Variants in C8orf34 observed in about 807,000 individuals in gnomAD.
C8orf34 encodes the protein uncharacterized protein C8orf34.
A neutral mutation model predicts 68.3 loss-of-function variants in C8orf34; 65 were observed. The observed-to-expected ratio is 0.95, with a 90% CI of 0.78 to 1.17. The LOEUF (loss-of-function observed/expected upper bound fraction) is 1.17. C8orf34 is among the 50% of genes most tolerant of loss of function. C8orf34 has a pLI of 0.00. For synonymous variants in C8orf34, 244 were observed against 241.2 expected (o/e 1.01, Z -0.11); for missense variants, 664 against 655.4 (o/e 1.01, Z -0.14).
At chr8:68,794,008 G>T (rs74361731) in intron 12 of C8orf34, among the ~76,000 whole-genome samples, 1,545 of 152,156 alleles carry the variant, frequency 0.01, 22 homozygotes, top group African/African-American at 0.036. Flanking sequence ...GCTTAATCTA[G>T]TTTCATTTAT....
At chr8:68,646,715 T>C (rs1819184728) in intron 8 of C8orf34, among the ~76,000 whole-genome samples, 1 of 152,212 alleles carries the variant, frequency 6.6e-6, no homozygotes, top group Non-Finnish European at 1.5e-5. Flanking sequence ...GGTGAGATTG[T>C]GCACTATTTG....
chr8:68,463,604 G>T (rs993594651), intron 3 of C8orf34, among the ~76,000 whole-genome samples: 14 of 152,160 alleles, frequency 9.2e-5, no homozygotes, highest in South Asian at 6.2e-4. Flanking sequence ...TGATCAACTG[G>T]GCTTCATCCC....
intron 1 of C8orf34, among the ~76,000 whole-genome samples, chr8:68,334,771 C>T (rs1805775228): frequency 3.3e-5 from 5 of 152,212 alleles, no homozygotes. Flanking sequence ...CTGTTCCACT[C>T]AAAGTGCTTC....
At chr8:68,803,493 T>C (rs1227697733) in intron 12 of C8orf34, among the ~76,000 whole-genome samples, 1 of 152,004 alleles carries the variant, frequency 6.6e-6, no homozygotes, top group Non-Finnish European at 1.5e-5. Flanking sequence ...AAAAATTTCT[T>C]AATCTAAAAA....
intron 12 of C8orf34, among the ~76,000 whole-genome samples, chr8:68,812,506 C>T (rs1824681145): frequency 6.6e-6 from 1 of 152,074 alleles, no homozygotes; most frequent in South Asian, 2.1e-4. Flanking sequence ...TATTAGGACA[C>T]ATAGGATTAT....
At chr8:68,658,882 A>G (rs1277457288) in intron 8 of C8orf34, among the ~76,000 whole-genome samples, 1 of 152,152 alleles carries the variant, frequency 6.6e-6, no homozygotes, top group Non-Finnish European at 1.5e-5. Flanking sequence ...TTTAAAATAT[A>G]TTGCTTTAAA....
At chr8:68,759,825 C>G (rs1419050882) in intron 10 of C8orf34, among the ~76,000 whole-genome samples, 1 of 152,230 alleles carries the variant, frequency 6.6e-6, no homozygotes, top group Admixed American at 6.5e-5. Flanking sequence ...GCTATATTCA[C>G]TTTCTAGGCT....
At chr8:68,554,598 C>T (rs1237461794) in intron 7 of C8orf34, among the ~76,000 whole-genome samples, 2 of 152,050 alleles carry the variant, frequency 1.3e-5, no homozygotes, top group Non-Finnish European at 2.9e-5. Context: ...TAGTTTTCTT[C>T]ATAGTTTATT....
At chr8:68,567,963 A>T (rs1224450973) in intron 7 of C8orf34, among the ~76,000 whole-genome samples, 2 of 151,590 alleles carry the variant, frequency 1.3e-5, no homozygotes, top group Admixed American at 1.3e-4. Flanking sequence ...GAATACTTAG[A>T]GGCCATTGGG....
chr8:68,475,280 T>C (rs1212870204), intron 4 of C8orf34, among the ~76,000 whole-genome samples: 3 of 152,216 alleles, frequency 2.0e-5, no homozygotes, highest in African/African-American at 7.2e-5. Context: ...TTGCATCCCC[T>C]CTCTTTGTGC....
intron 8 of C8orf34, among the ~76,000 whole-genome samples, chr8:68,671,449 A>C (rs1250984037): frequency 6.6e-6 from 1 of 152,198 alleles, no homozygotes; most frequent in Non-Finnish European, 1.5e-5. Flanking sequence ...TGTTAGAGCT[A>C]AGTAAATAGT....
chr8:68,628,478 T>G (rs1818600620), intron 7 of C8orf34, among the ~76,000 whole-genome samples: 1 of 152,180 alleles, frequency 6.6e-6, no homozygotes, highest in Admixed American at 6.5e-5. Context: ...ATAACAAAAA[T>G]GTTTTCATAC....
chr8:68,788,819 A>G (rs1248635979), intron 12 of C8orf34, among the ~76,000 whole-genome samples: 1 of 152,036 alleles, frequency 6.6e-6, no homozygotes, highest in East Asian at 1.9e-4. Context: ...AGATCGCGCC[A>G]CTGCACTCCC....
chr8:68,777,788 TAA>T (rs1172811050), intron 11 of C8orf34, among the ~76,000 whole-genome samples: 1 of 152,196 alleles, frequency 6.6e-6, no homozygotes, highest in Non-Finnish European at 1.5e-5. Context: ...ATAAAATAGG[TAA>T]AGAGAAAACC....
At chr8:68,809,072 G>A (rs1486977879) in intron 12 of C8orf34, among the ~76,000 whole-genome samples, 1 of 152,004 alleles carries the variant, frequency 6.6e-6, no homozygotes, top group Non-Finnish European at 1.5e-5. Flanking sequence ...ACTCAGCTAA[G>A]GTCTTGCTTC....
At chr8:68,555,087 T>A (rs1021418580) in intron 7 of C8orf34, among the ~76,000 whole-genome samples, 6 of 152,142 alleles carry the variant, frequency 3.9e-5, no homozygotes, top group African/African-American at 1.4e-4. Context: ...TCATACCCTA[T>A]TTCCTTTCCT....
chr8:68,544,113 G>A (rs1202147359), intron 7 of C8orf34, among the ~76,000 whole-genome samples: 1 of 152,152 alleles, frequency 6.6e-6, no homozygotes, highest in African/African-American at 2.4e-5. Context: ...AAAGAAGAAA[G>A]CTGAGAAGAG....
chr8:68,682,033 G>A (rs1372896702), intron 8 of C8orf34, among the ~76,000 whole-genome samples: 1 of 152,080 alleles, frequency 6.6e-6, no homozygotes, highest in African/African-American at 2.4e-5. Context: ...GTAAGTGGGT[G>A]GGGGAAGTGG....
intron 8 of C8orf34, among the ~76,000 whole-genome samples, chr8:68,691,629 A>T (rs1368026618): frequency 6.6e-6 from 1 of 152,072 alleles, no homozygotes; most frequent in African/African-American, 2.4e-5. Flanking sequence ...CATTGATTTT[A>T]GTTATCACTG....
Sources: gnomAD v4.1 joint callset for allele counts (sites outside exome capture counted in the v4.1 genomes callset) on GRCh38, gnomAD v4.1.1 for gene constraint, MANE v1.5 for transcripts, NCBI Gene and HGNC (gene_info 2026-07-23, HGNC 2026-07-21) for gene names.